PTPRK: variants seen among roughly 807,000 people sequenced by gnomAD.
PTPRK encodes protein tyrosine phosphatase receptor type K, also known as receptor-type tyrosine-protein phosphatase kappa.
PTPRK carries 75 observed loss-of-function variants against 178.0 expected under a neutral mutation model. The ratio of observed to expected loss-of-function variants is 0.42; its 90% confidence interval spans 0.35 to 0.51. PTPRK has a LOEUF of 0.51. Ranked by LOEUF, PTPRK falls within the 20% of genes least tolerant of loss-of-function variation. The pLI is 0.02. For synonymous variants in PTPRK, 637 were observed against 620.6 expected (o/e 1.03, Z -0.39); for missense variants, 1,441 against 1,797.8 (o/e 0.80, Z 3.59).
At chr6:127,999,004 C>A in intron 15 of PTPRK, 100 bp from the exon 16 acceptor site, 1 of 1,025,598 alleles carries the variant, frequency 9.8e-7, no homozygotes, top group Non-Finnish European at 1.4e-6. Context: ...TAAGATCTTT[C>A]TGATAACAAG....
rs556998745 is a variant in PTPRK at position 128,078,246 on chromosome 6, T to C, written c.1883+567A>G. On this transcript the variant is annotated intron_variant, in intron 11 of 29. Transcript: ENST00000368226. ...TATCTCAAAAATGCCCTTAGAATTT[T>C]GCTCTTAACTACAAGTCTATCTGCA... Among the ~76,000 whole-genome samples, 6 of 152,118 alleles carry C rather than the reference T, an allele frequency of 3.9e-5. No individual in the cohort carries two copies. The East Asian group carries it at 1.2e-3, about 29-fold the overall frequency.
intron 13 of PTPRK, among the ~76,000 whole-genome samples, chr6:128,023,830 T>C (rs1773887033): frequency 6.8e-6 from 1 of 147,120 alleles, no homozygotes; most frequent in Admixed American, 6.6e-5. Flanking sequence ...ATGTTTTCTT[T>C]CTTTCTTTTT....
At chr6:128,214,660 T>C (rs1383914801) in intron 6 of PTPRK, among the ~76,000 whole-genome samples, 1 of 151,990 alleles carries the variant, frequency 6.6e-6, no homozygotes, top group Non-Finnish European at 1.5e-5. Flanking sequence ...TAAGACTAGG[T>C]GGTAGGCCTG....
chr6:128,419,750 GC>G (rs1223417652), intron 1 of PTPRK, among the ~76,000 whole-genome samples: 1 of 152,188 alleles, frequency 6.6e-6, no homozygotes, highest in Non-Finnish European at 1.5e-5. Context: ...GTGTTGTGGA[GC>G]CAGGGCAAGA....
At position 128,002,068 on chromosome 6, in the gene PTPRK, T is replaced by C. The variant is rs895224114; in HGVS notation, c.2494+3016A>G. 2.6e-5 allele frequency among the ~76,000 whole-genome samples: 4 copies of C among 151,700 alleles called. No individual in the cohort carries two copies. The Admixed American group carries it at 2.6e-4, about 10-fold the overall frequency. ...GTGGACATCAAAGGGAGAGTGCAAG[T>C]AGAGATGAAGAACATTGACTTTTCA... is the stretch of plus-strand genomic sequence containing the variant. On this transcript the variant is annotated intron_variant, in intron 15 of 29. Transcript: ENST00000368226.
At chr6:128,488,747 GT>G (rs1484668670) in intron 1 of PTPRK, among the ~76,000 whole-genome samples, 2 of 152,118 alleles carry the variant, frequency 1.3e-5, no homozygotes, top group Non-Finnish European at 2.9e-5. Flanking sequence ...TCATACATAA[GT>G]TGGCATAATG....
chr6:128,207,416 T>TA (rs1348915499), intron 6 of PTPRK, among the ~76,000 whole-genome samples: 1 of 152,140 alleles, frequency 6.6e-6, no homozygotes, highest in African/African-American at 2.4e-5. Context: ...GGTTGATTTT[T>TA]AAAAAATCAG....
chr6:128,270,431 C>G (rs1000805178), intron 3 of PTPRK, among the ~76,000 whole-genome samples: 1 of 152,084 alleles, frequency 6.6e-6, no homozygotes, highest in African/African-American at 2.4e-5. Flanking sequence ...TAACTGAGTT[C>G]TACTGGCTCA....
intron 7 of PTPRK, among the ~76,000 whole-genome samples, chr6:128,160,629 C>G (rs1273445045): frequency 2.0e-5 from 3 of 151,630 alleles, no homozygotes; most frequent in African/African-American, 7.3e-5. Flanking sequence ...CTTACTCTTG[C>G]TTTCCTAAAT....
Position 128,071,208 on chromosome 6 carries a change from C to T in PTPRK, c.1884-3416G>A, listed in dbSNP as rs7758734. Among the ~76,000 whole-genome samples, 298 of 151,780 alleles carry T rather than the reference C, an allele frequency of 2.0e-3. 1 individual carries two copies. Among genetic ancestry groups the T allele is most frequent in the African/African-American group, 6.0e-3 (250 of 41,472 alleles). ...TCTACCATCTTTAGAATGCTTTCTG[C>T]CCCTCTCAAGTTTGATACAGTTTAA... is the stretch of plus-strand genomic sequence containing the variant. On this transcript the variant is annotated intron_variant, in intron 11 of 29. Transcript: ENST00000368226.
chr6:128,049,496 G>A (rs935382465), intron 13 of PTPRK, among the ~76,000 whole-genome samples: 15 of 151,828 alleles, frequency 9.9e-5, no homozygotes, highest in Admixed American at 2.0e-4. Context: ...TTTACATATT[G>A]AGAAAATTTT....
At chr6:128,394,517 A>G (rs1374434166) in intron 2 of PTPRK, among the ~76,000 whole-genome samples, 2 of 152,222 alleles carry the variant, frequency 1.3e-5, no homozygotes, top group Non-Finnish European at 2.9e-5. Context: ...ATTGTACAGT[A>G]GTTTCTCACT....
intron 2 of PTPRK, among the ~76,000 whole-genome samples, chr6:128,338,678 C>A (rs930187102): frequency 1.6e-5 from 2 of 128,394 alleles, no homozygotes; most frequent in African/African-American, 2.9e-5. Flanking sequence ...TTCCCCTCTG[C>A]AGAAGGAAAT....
intron 2 of PTPRK, among the ~76,000 whole-genome samples, chr6:128,345,666 A>G (rs1434482563): frequency 6.6e-6 from 1 of 152,234 alleles, no homozygotes; most frequent in African/African-American, 2.4e-5. Flanking sequence ...CCTCCAATGC[A>G]GTCCAGAATT....
intron 3 of PTPRK, among the ~76,000 whole-genome samples, chr6:128,295,028 T>G (rs114476695): frequency 0.012 from 1,902 of 152,188 alleles, 39 homozygotes; most frequent in African/African-American, 0.044. Flanking sequence ...TACATAATTG[T>G]ACATGTGATT....
rs556714927 is a variant in PTPRK at position 128,431,151 on chromosome 6, T to C, written c.101-33463A>G. Among the ~76,000 whole-genome samples the C allele has an allele frequency of 1.1e-4, 17 of 152,162 alleles. 2 individuals are homozygous for C. In the South Asian group the frequency reaches 3.5e-3, roughly 32 times the overall value. On this transcript the variant is annotated intron_variant, in intron 1 of 29. Coordinates refer to ENST00000368226, the MANE Select transcript of PTPRK (RefSeq NM_002844.4). ...ACGGGTTTCACCATGTTGGCCAGTC[T>C]GGTCTCTAACTCCAGACCTCAAGTG...
intron 2 of PTPRK, among the ~76,000 whole-genome samples, chr6:128,352,754 C>G (rs573301407): frequency 2.6e-4 from 39 of 152,298 alleles, no homozygotes; most frequent in African/African-American, 8.7e-4. Context: ...GCAGTATCCC[C>G]TAACAAAGCA....
intron 1 of PTPRK, among the ~76,000 whole-genome samples, chr6:128,471,962 A>G (rs1484472559): frequency 6.6e-6 from 1 of 152,096 alleles, no homozygotes; most frequent in Non-Finnish European, 1.5e-5. Context: ...GAAAATAAGA[A>G]GACTGAAAAA....
At chr6:128,104,972 T>C (rs1461180884) in intron 7 of PTPRK, among the ~76,000 whole-genome samples, 2 of 152,022 alleles carry the variant, frequency 1.3e-5, no homozygotes, top group Non-Finnish European at 2.9e-5. Flanking sequence ...ATCTGAAGAG[T>C]ACTTAAAACA....
Sources: gnomAD v4.1 joint callset for allele counts (sites outside exome capture counted in the v4.1 genomes callset) on GRCh38, gnomAD v4.1.1 for gene constraint, MANE v1.5 for transcripts, NCBI Gene and HGNC (gene_info 2026-07-23, HGNC 2026-07-21) for gene names.